RGS20: variants seen among roughly 807,000 people sequenced by gnomAD.
The protein encoded by RGS20 is regulator of G protein signaling 20.
In RGS20, 30 loss-of-function variants were observed where a neutral mutation model predicts 33.6. The observed-to-expected ratio is 0.89, with a 90% CI of 0.67 to 1.21. The LOEUF (loss-of-function observed/expected upper bound fraction) is 1.21. Among genes scored for constraint, RGS20 ranks in the 50% most tolerant of loss-of-function variants. The pLI, the probability that RGS20 is intolerant of heterozygous loss-of-function variation, is 0.00. For synonymous variants in RGS20, 208 were observed against 197.9 expected (o/e 1.05, Z -0.43); for missense variants, 472 against 502.4 (o/e 0.94, Z 0.58).
intron 2 of RGS20, among the ~76,000 whole-genome samples, chr8:53,933,172 C>T (rs1290342145): frequency 6.6e-6 from 1 of 152,138 alleles, no homozygotes; most frequent in East Asian, 1.9e-4. Context: ...TGCAAAAAGG[C>T]TGAAAATTGC....
At chr8:53,901,970 G>T (rs532893240) in intron 2 of RGS20, among the ~76,000 whole-genome samples, 5 of 152,102 alleles carry the variant, frequency 3.3e-5, no homozygotes, top group African/African-American at 1.2e-4. Flanking sequence ...CATTCTCATC[G>T]CTGAATAATA....
At chr8:53,879,208 G>A (rs1313730445) in intron 1 of RGS20, 2 of 1,501,254 alleles carry the variant, frequency 1.3e-6, no homozygotes, top group Non-Finnish European at 1.8e-6. Context: ...CTAAGCGGCC[G>A]GACACCACAG....
At chr8:53,881,239 G>A (rs1333157516) in intron 2 of RGS20, among the ~76,000 whole-genome samples, 155 bp downstream of exon 1, 1 of 152,006 alleles carries the variant, frequency 6.6e-6, no homozygotes, top group East Asian at 1.9e-4. Context: ...CGAGTCGGGG[G>A]TTCCTTCCCG....
At chr8:53,889,412 CTTTTTTTTTTTTTTT>C (rs34316630) in intron 2 of RGS20, among the ~76,000 whole-genome samples, 956 of 41,848 alleles carry the variant, frequency 0.023, 74 homozygotes, top group African/African-American at 0.048. Flanking sequence ...CTCTCTCTCT[CTTTTTTTTTTTTTTT>C]TTTTTTTTTT....
In RGS20 at chr8:53,903,470, C is replaced by A. The variant is rs1440506426; in HGVS notation, c.510+23868C>A. On this transcript the variant is annotated intron_variant, in intron 2 of 5. Coordinates refer to ENST00000297313, the MANE Select transcript of RGS20 (RefSeq NM_170587.4). ...CTGGCTATAGCTGCACCCCAGCCAGCCACCTTCCACAGCAGTTAGGTCCCT... is the reference window on the plus strand; with the variant it reads ...CTGGCTATAGCTGCACCCCAGCCAGACACCTTCCACAGCAGTTAGGTCCCT... Among the ~76,000 whole-genome samples the A allele has an allele frequency of 2.0e-5, 3 of 152,306 alleles. No individual in the cohort carries two copies. The East Asian group carries it at 5.8e-4, about 29-fold the overall frequency.
At chr8:53,910,562 C>A (rs1029964891) in intron 2 of RGS20, among the ~76,000 whole-genome samples, 4 of 152,162 alleles carry the variant, frequency 2.6e-5, no homozygotes, top group African/African-American at 9.7e-5. Context: ...AATAAACATG[C>A]ACTTACTATG....
intron 2 of RGS20, among the ~76,000 whole-genome samples, chr8:53,883,603 T>G (rs1370735848): frequency 6.6e-6 from 1 of 152,182 alleles, no homozygotes; most frequent in Middle Eastern, 3.2e-3. Context: ...TTATCCTCTC[T>G]GGGCGTTAGT....
In RGS20 at chr8:53,939,586, C is replaced by T. The variant is rs775903177; in HGVS notation, c.521C>T (p.Ser174Leu). ...CTCTCCCTCTTGCAGCAGATGGGAT[C>T]AGAGCGGATGGAGATGCGGAAGCGG... The change falls in exon 3 of 6, where the codon TCA (serine) becomes TTA (leucine). Residue 174 changes from serine (S) to leucine (L), a missense_variant. Ser to Leu is a moderately radical substitution (Grantham distance 145). Coordinates refer to ENST00000297313, the MANE Select transcript of RGS20 (RefSeq NM_170587.4). 3 of 1,589,988 alleles carry T rather than the reference C, an allele frequency of 1.9e-6. No homozygotes were observed. Among genetic ancestry groups the T allele is most frequent in the Admixed American group, 1.8e-5 (1 of 56,136 alleles).
chr8:53,917,338 A>G (rs555040568), intron 2 of RGS20, among the ~76,000 whole-genome samples: 8 of 152,126 alleles, frequency 5.3e-5, no homozygotes, highest in Admixed American at 4.6e-4. Flanking sequence ...CAGTAGAGAC[A>G]GGGTTTCACC....
In RGS20 at chr8:53,879,602, G is replaced by A. The variant is rs1283648556; in HGVS notation, c.510G>A (p.Pro170=). 7.4e-6 allele frequency: 11 copies of A among 1,496,226 alleles called. No individual in the cohort carries two copies. Among genetic ancestry groups the A allele is most frequent in the South Asian group, 5.3e-5 (4 of 74,826 alleles). The allele number at this position is 1,496,226 out of a possible 1,614,324, so 92.7% of individuals were successfully genotyped here. Reference sequence around the variant, plus strand: ...CCGCTGGGCAGAGCTCGCCTATGCCGGTGAGTACCGTGGTCTCCACTACGC... The same window carrying A: ...CCGCTGGGCAGAGCTCGCCTATGCCAGTGAGTACCGTGGTCTCCACTACGC... Residue 170 remains proline, a splice_region_variant and synonymous_variant, in exon 2 of 6, where the codon CCG becomes CCA. Coordinates refer to ENST00000297313, the MANE Select transcript of RGS20 (RefSeq NM_170587.4).
At chr8:53,946,844 C>T (rs1814496444) in intron 4 of RGS20, 96 bp downstream of exon 3, 2 of 970,312 alleles carry the variant, frequency 2.1e-6, no homozygotes, top group East Asian at 2.7e-5. Flanking sequence ...CACATACTTT[C>T]TCTAACTGTA....
At chr8:53,862,864 C>T (rs1402246128) in intron 1 of RGS20, among the ~76,000 whole-genome samples, 1 of 152,140 alleles carries the variant, frequency 6.6e-6, no homozygotes, top group East Asian at 1.9e-4. Context: ...TATAGTTCTG[C>T]TTGGTTTATC....
rs537294842 is a variant in RGS20 at position 53,864,575 on chromosome 8, C to G, written c.165+12511C>G. On this transcript the variant is annotated intron_variant, in intron 1 of 5. Transcript: ENST00000297313. ...GGCTGGGTTTGTAGCCAGTTTCTCC[C>G]ATAATAGTTGTTAATCTAGTTATCT... Among the ~76,000 whole-genome samples, 86 of 152,232 alleles carry G rather than the reference C, an allele frequency of 5.6e-4. 1 individual carries two copies. In the South Asian group the frequency reaches 0.012, roughly 21 times the overall value.
At chr8:53,947,107 A>G (rs1814507315) in intron 4 of RGS20, among the ~76,000 whole-genome samples, 1 of 147,206 alleles carries the variant, frequency 6.8e-6, no homozygotes, top group Admixed American at 6.9e-5. Flanking sequence ...TACTATATAT[A>G]AAATACAGCA....
chr8:53,926,970 T>A (rs952450829), intron 2 of RGS20, among the ~76,000 whole-genome samples: 3 of 152,300 alleles, frequency 2.0e-5, no homozygotes, highest in East Asian at 1.9e-4. Context: ...AAAACTTTTT[T>A]AAAAACTAGT....
chr8:53,904,284 A>G (rs1223526825), intron 2 of RGS20, among the ~76,000 whole-genome samples: 1 of 152,056 alleles, frequency 6.6e-6, no homozygotes, highest in Non-Finnish European at 1.5e-5. Flanking sequence ...GGTGCCTGCC[A>G]CCACACTTGG....
chr8:53,901,339 A>T (rs886115319), intron 2 of RGS20, among the ~76,000 whole-genome samples: 1 of 152,058 alleles, frequency 6.6e-6, no homozygotes, highest in African/African-American at 2.4e-5. Context: ...AAGTGTTAGG[A>T]TTACAGGCGT....
chr8:53,889,620 T>C (rs1169970943), intron 2 of RGS20, among the ~76,000 whole-genome samples: 1 of 151,806 alleles, frequency 6.6e-6, no homozygotes, highest in Non-Finnish European at 1.5e-5. Context: ...CTTGAACTTC[T>C]GTTTGGCCCA....
intron 2 of RGS20, 59 bp downstream of exon 1, chr8:53,881,143 G>C (rs920449805): frequency 1.1e-5 from 14 of 1,295,678 alleles, no homozygotes; most frequent in Non-Finnish European, 1.4e-5. Context: ...CTGAGGCTTC[G>C]TGCTGGAAAG....
Sources: allele counts gnomAD v4.1 joint callset (sites outside exome capture counted in the v4.1 genomes callset), GRCh38; gene constraint gnomAD v4.1.1; transcripts MANE v1.5; gene names NCBI Gene and HGNC (gene_info 2026-07-23, HGNC 2026-07-21).